DENND2D: variants seen among roughly 807,000 people sequenced by gnomAD.
The protein encoded by DENND2D is DENN domain containing 2D, also known as DENN domain-containing protein 2D.
In DENND2D, 37 loss-of-function variants were observed where a neutral mutation model predicts 59.8. The ratio of observed to expected loss-of-function variants is 0.62; its 90% CI spans 0.48 to 0.81. The LOEUF (loss-of-function observed/expected upper bound fraction) is 0.81, where lower values mean the gene tolerates loss of function less well. DENND2D is among the 40% of genes least tolerant of loss of function. The probability of loss-of-function intolerance (pLI) is 0.00; values close to 1 mark genes in which losing one functional copy is unlikely to be tolerated. For missense variants in DENND2D, 525 were observed against 579.7 expected, an observed-to-expected ratio of 0.91 and a Z score of 0.97; for synonymous variants, 219 against 211.3, an observed-to-expected ratio of 1.04 and a Z score of -0.31.
chr1:111,204,536 T>TCTGCCCTCGCC, upstream of DENND2D: 1 of 569,696 alleles, frequency 1.8e-6, no homozygotes, highest in Middle Eastern at 5.0e-4. Flanking sequence ...GCGGGCCCGC[T>TCTGCCCTCGCC]CTGCCCTCGC....
rs1253437089 is a variant in DENND2D at position 111,200,601 on chromosome 1, T to C, written c.-142A>G. On this transcript the variant is annotated 5_prime_UTR_variant, in exon 1 of 12. Coordinates refer to ENST00000357640, the MANE Select transcript of DENND2D (RefSeq NM_024901.5). ...CACGCGCTGTCTTCCAGAGAGGGAA[T>C]AGAAGTTTCCATCCTGTGCACCCAG... 8.2e-6 allele frequency: 12 copies of C among 1,471,408 alleles called. No homozygotes were observed. Among genetic ancestry groups the C allele is most frequent in the Admixed American group, 2.1e-5 (1 of 48,100 alleles). The allele number at this position is 1,471,408 out of a possible 1,614,324, so 91.1% of individuals were successfully genotyped here.
At chr1:111,189,052 G>A (rs900340908) in intron 9 of DENND2D, among the ~76,000 whole-genome samples, 160 bp downstream of exon 9, 1 of 152,128 alleles carries the variant, frequency 6.6e-6, no homozygotes, top group Non-Finnish European at 1.5e-5. Flanking sequence ...AGTCATCTGT[G>A]TTTATGTCCA....
chr1:111,196,091 A>G (rs1571190330), intron 5 of DENND2D, 35 bp from the exon 6 acceptor site: 1 of 1,577,674 alleles, frequency 6.3e-7, no homozygotes, highest in Non-Finnish European at 8.6e-7. Context: ...GCACGGCTCA[A>G]AGGGACACTA....
chr1:111,196,156 T>G (rs1658208573), intron 5 of DENND2D, 100 bp from the exon 6 acceptor site: 1 of 1,424,140 alleles, frequency 7.0e-7, no homozygotes, highest in East Asian at 2.4e-5. Context: ...GTTCTCATAC[T>G]GGTTCAGCTG....
chr1:111,192,209 G>C lies in DENND2D; in HGVS notation c.903C>G (p.Cys301Trp). 1 of 1,613,978 alleles carries C rather than the reference G, an allele frequency of 6.2e-7. No homozygotes were observed. The highest frequency in any genetic ancestry group is 8.5e-7 in the Non-Finnish European group (1 of 1,179,888). Residue 301 changes from cysteine (C) to tryptophan (W), a missense_variant, in exon 8 of 12, where the codon TGC (cysteine) becomes TGG (tryptophan). Around this residue, in one of 3 missense-constraint regions of DENND2D, gnomAD observed 225 missense variants for 252.4 expected, o/e 0.89. Transcript: ENST00000357640. The stretch of plus-strand genomic sequence containing the variant: ...GTACTCCAACCATGAAGGGGGTGGG[G>C]CAGCAGACGGTGGCCAGAAGGCTCT... ...VPESLLATVC[C>W]PTPFMVGVQM...
upstream of DENND2D, chr1:111,204,364 G>A (rs1659108206): frequency 2.7e-5 from 39 of 1,433,978 alleles, no homozygotes; most frequent in Non-Finnish European, 3.6e-5. Flanking sequence ...GGCCCCTGGA[G>A]TGCCCGGCTC....
Position 111,198,693 on chromosome 1 carries a change from T to C in DENND2D, c.293A>G (p.Lys98Arg). Residue 98 changes from lysine (K) to arginine (R), a missense_variant, in exon 3 of 12, where the codon AAA becomes AGA. By Grantham distance (26) the Lys-to-Arg change is conservative (BLOSUM62 2). Around this residue, in one of 3 missense-constraint regions of DENND2D, gnomAD observed 253 missense variants for 246.4 expected, o/e 1.03. Coordinates refer to ENST00000357640, the MANE Select transcript of DENND2D (RefSeq NM_024901.5). ...GQQEEEERLL[K>R]AIPLFCFPDG... ...TGGGAAGCAGAACAAGGGGATAGCT[T>C]TGAGCAGCCGCTCCTCCTCCTCCTG... 1 of 1,614,112 alleles carries C rather than the reference T, an allele frequency of 6.2e-7. No homozygotes were observed. The highest frequency in any genetic ancestry group is 1.1e-5 in the South Asian group (1 of 91,074).
At chr1:111,188,391 ATC>A (rs568339738) in intron 10 of DENND2D, 21 bp from the exon 11 acceptor site, 26 of 1,609,306 alleles carry the variant, frequency 1.6e-5, no homozygotes, top group Non-Finnish European at 2.1e-5. Context: ...TATAAAGGCC[ATC>A]TCAGAGGGTA....
upstream of DENND2D, among the ~76,000 whole-genome samples, chr1:111,202,745 T>A (rs918107565): frequency 2.7e-5 from 4 of 147,374 alleles, no homozygotes. Context: ...AATACACAAC[T>A]GTCCTGGGGC....
chr1:111,201,107 T>A (rs1242542525), upstream of DENND2D: 1 of 154,280 alleles, frequency 6.5e-6, no homozygotes, highest in African/African-American at 2.4e-5. Context: ...CTCCCCTGAT[T>A]AAGATAAATA....
upstream of DENND2D, among the ~76,000 whole-genome samples, chr1:111,203,277 G>A (rs733505): frequency 0.18 from 27,376 of 152,218 alleles, 2,828 homozygotes; most frequent in East Asian, 0.35. Flanking sequence ...GTTCAAAGAA[G>A]GGTGCACTGA....
chr1:111,202,731 T>TC (rs1393332244), upstream of DENND2D, among the ~76,000 whole-genome samples: 2 of 69,162 alleles, frequency 2.9e-5, no homozygotes, highest in East Asian at 7.4e-4. Flanking sequence ...ACACACTCCC[T>TC]CCTAATACAC....
At chr1:111,202,790 G>A (rs1226344543), upstream of DENND2D, among the ~76,000 whole-genome samples, 3 of 152,056 alleles carry the variant, frequency 2.0e-5, no homozygotes, top group African/African-American at 7.3e-5. Flanking sequence ...AGAATCCCCA[G>A]GCAAGTGGAG....
chr1:111,195,130 A>G (rs1557958287), intron 6 of DENND2D: 1 of 175,000 alleles, frequency 5.7e-6, no homozygotes, highest in Non-Finnish European at 1.2e-5. Flanking sequence ...CTTCTTATGT[A>G]GCACCCTGTT....
At chr1:111,204,424 G>A, upstream of DENND2D, 10 of 1,314,618 alleles carry the variant, frequency 7.6e-6, no homozygotes, top group Non-Finnish European at 9.7e-6. Flanking sequence ...GACCTCCGCG[G>A]GTCCGACACT....
intron 7 of DENND2D, 36 bp downstream of exon 7, chr1:111,194,542 G>T: frequency 6.2e-7 from 1 of 1,610,362 alleles, no homozygotes; most frequent in Non-Finnish European, 8.5e-7. Context: ...AGGGATGCTG[G>T]GCAGTTCAGG....
upstream of DENND2D, chr1:111,202,498 T>C (rs1423250100): frequency 6.6e-6 from 1 of 152,188 alleles, no homozygotes; most frequent in African/African-American, 2.4e-5. Context: ...CCACCCTTTC[T>C]AGGGAAGTCA....
chr1:111,194,423 C>T (rs900719123), intron 7 of DENND2D, among the ~76,000 whole-genome samples, 155 bp downstream of exon 7: 1 of 152,246 alleles, frequency 6.6e-6, no homozygotes, highest in East Asian at 1.9e-4. Flanking sequence ...TGGTTCAAAA[C>T]AGCTGTTTCT....
At chr1:111,204,283 G>C, upstream of DENND2D, 1 of 1,471,648 alleles carries the variant, frequency 6.8e-7, no homozygotes, top group Non-Finnish European at 8.9e-7. Context: ...CGCTCTCCCC[G>C]GCCGGCACTA....
Sources: allele counts gnomAD v4.1 joint callset (sites outside exome capture counted in the v4.1 genomes callset), GRCh38; gene constraint gnomAD v4.1.1; regional missense constraint gnomAD v4.1.1; transcripts MANE v1.5; gene names NCBI Gene and HGNC (gene_info 2026-07-23, HGNC 2026-07-21).